STPG1: variants seen among roughly 807,000 people sequenced by gnomAD.
The protein encoded by STPG1 is sperm tail PG-rich repeat containing 1.
Under a neutral mutation model 40.1 loss-of-function variants are expected in STPG1, and 33 were observed. The observed-to-expected ratio is 0.82, with a 90% confidence interval of 0.62 to 1.10. The LOEUF is 1.10. Ranked by LOEUF, STPG1 falls within the 50% of genes least tolerant of loss-of-function variation. The pLI is 0.00. For synonymous variants in STPG1, 150 were observed against 155.0 expected (o/e 0.97, Z 0.24); for missense variants, 396 against 415.1 (o/e 0.95, Z 0.40).
chr1:24,405,667 T>G (rs1327834968), intron 1 of STPG1, among the ~76,000 whole-genome samples: 1 of 152,188 alleles, frequency 6.6e-6, no homozygotes, highest in Non-Finnish European at 1.5e-5. Flanking sequence ...TCTTTTAAGC[T>G]TTGTCAATTG....
At chr1:24,408,602 T>C (rs949021428) in intron 1 of STPG1, among the ~76,000 whole-genome samples, 5 of 152,224 alleles carry the variant, frequency 3.3e-5, no homozygotes, top group African/African-American at 1.2e-4. Flanking sequence ...ATGGGGGCAA[T>C]TGTAGGACTC....
chr1:24,409,622 T>C (rs2148718320), intron 1 of STPG1, among the ~76,000 whole-genome samples: 1 of 152,344 alleles, frequency 6.6e-6, no homozygotes, highest in East Asian at 1.9e-4. Context: ...AAATAAATAA[T>C]TCATCAGCTT....
At position 24,364,274 on chromosome 1, in the gene STPG1, T is replaced by A. The variant is rs545809; in HGVS notation, c.738-3233A>T. 418,945 of 1,548,420 alleles carry A rather than the reference T, an allele frequency of 0.27. 58,230 individuals carry two copies. Among genetic ancestry groups the A allele is most frequent in the East Asian group, 0.41 (16,757 of 40,668 alleles). On this transcript the variant is annotated intron_variant, in intron 7 of 8. Coordinates refer to ENST00000337248, the MANE Select transcript of STPG1 (RefSeq NM_001199013.2). ...CATCCTGTGACTCAAGTGAGGAACA[T>A]GGGTTTTGGAGATGGATTTTGGAGG...
chr1:24,387,005 T>TCATCATCAC (rs1266467994), intron 3 of STPG1, among the ~76,000 whole-genome samples: 3 of 152,066 alleles, frequency 2.0e-5, no homozygotes, highest in African/African-American at 7.3e-5. Flanking sequence ...GCCATCATCA[T>TCATCATCAC]CATCACCATC....
rs532490641 is a variant in STPG1 at position 24,374,249 on chromosome 1, T to G, written c.463-439A>C. 2.9e-3 allele frequency among the ~76,000 whole-genome samples: 261 copies of G among 89,028 alleles called. 4 individuals carry two copies. Among genetic ancestry groups the G allele is most frequent in the African/African-American group, 0.016 (230 of 14,120 alleles). The allele number at this position is 89,028 out of a possible 152,430, so 58.4% of individuals were successfully genotyped here. A position where few individuals can be genotyped will look rare whatever the true frequency, so the allele number is the denominator to read the frequency against. The stretch of plus-strand genomic sequence containing the variant: ...GAGATCACCGCTAGGAAAGTGTTTT[T>G]TTTTTTTGTTTTTTTTTTTTTTTTT... On this transcript the variant is annotated intron_variant, in intron 5 of 8. Coordinates refer to ENST00000337248, the MANE Select transcript of STPG1 (RefSeq NM_001199013.2).
intron 4 of STPG1, among the ~76,000 whole-genome samples, chr1:24,383,083 TA>T (rs1642360141): frequency 6.6e-6 from 1 of 152,044 alleles, no homozygotes; most frequent in Admixed American, 6.5e-5. Flanking sequence ...GGCTAATTTT[TA>T]AATTATTTTG....
In STPG1 at chr1:24,360,945, T is replaced by C. The variant is rs1270364503; in HGVS notation, c.834A>G (p.Leu278=). ...GPGQYEIVDY[L]GPRKHFISSA... ...TAGAGATGAAATGCTTGCGGGGGCC[T>C]AAGTAGTCCACGATCTCATACTGAC... The change falls in exon 8 of 9, where the codon TTA becomes TTG. Residue 278 remains leucine (L), a synonymous_variant. Transcript: ENST00000337248. 1 of 1,613,944 alleles carries C rather than the reference T, an allele frequency of 6.2e-7. No homozygotes were observed. The highest frequency in any genetic ancestry group is 8.5e-7 in the Non-Finnish European group (1 of 1,179,992).
intron 6 of STPG1, among the ~76,000 whole-genome samples, chr1:24,371,701 T>C (rs1261317002): frequency 6.6e-6 from 1 of 152,186 alleles, no homozygotes; most frequent in Non-Finnish European, 1.5e-5. Context: ...GTTTTGTATA[T>C]ATATTTCTAC....
chr1:24,392,816 A>T (rs1642836124), intron 2 of STPG1, among the ~76,000 whole-genome samples: 2 of 151,798 alleles, frequency 1.3e-5, no homozygotes, highest in Non-Finnish European at 2.9e-5. Flanking sequence ...TTTTAACATC[A>T]GAATCCTAAC....
chr1:24,412,998 T>C (rs1378268645), intron 1 of STPG1, among the ~76,000 whole-genome samples: 1 of 152,262 alleles, frequency 6.6e-6, no homozygotes, highest in Non-Finnish European at 1.5e-5. Flanking sequence ...CTAAACTATG[T>C]ATACTGTTAC....
chr1:24,358,215 C>T lies in STPG1; in HGVS notation c.*328G>A. The stretch of plus-strand genomic sequence containing the variant: ...CCTTGAAGTCTGCGCTTCAGGAGTC[C>T]CTTCAGTCTGCGGCAGGGAGTCGTG... On this transcript the variant is annotated 3_prime_UTR_variant, in exon 9 of 9. Transcript: ENST00000337248. 1 of 560,462 alleles carries T rather than the reference C, an allele frequency of 1.8e-6. No individual in the cohort carries two copies. The highest frequency in any genetic ancestry group is 3.4e-6 in the Non-Finnish European group (1 of 294,882). The allele number at this position is 560,462 out of a possible 1,614,324, so 34.7% of individuals were successfully genotyped here. A position where few individuals can be genotyped will look rare whatever the true frequency, so the allele number is the denominator to read the frequency against.
At chr1:24,371,900 G>A (rs1641764478) in intron 6 of STPG1, among the ~76,000 whole-genome samples, 2 of 152,184 alleles carry the variant, frequency 1.3e-5, no homozygotes, top group African/African-American at 4.8e-5. Flanking sequence ...CTGTGGGGCT[G>A]GGCGTGGTTG....
Position 24,391,690 on chromosome 1 carries a change from A to G in STPG1, c.71-11T>C. On this transcript the variant is annotated splice_polypyrimidine_tract_variant and intron_variant, in intron 2 of 8. Transcript: ENST00000337248. ...ATGCAGCAGTAAAACCTAAACAACA[A>G]AAATGGAGTAAAATCAAAATGAATA... The G allele has an allele frequency of 1.3e-6, 2 of 1,485,492 alleles. No homozygotes were observed. The highest frequency in any genetic ancestry group is 1.8e-6 in the Non-Finnish European group (2 of 1,091,662). The allele number at this position is 1,485,492 out of a possible 1,614,324, so 92.0% of individuals were successfully genotyped here.
At chr1:24,383,387 T>C (rs867486819) in intron 4 of STPG1, among the ~76,000 whole-genome samples, 6 of 152,374 alleles carry the variant, frequency 3.9e-5, no homozygotes, top group South Asian at 4.1e-4. Context: ...TGGCAATTCA[T>C]ATAGCTACTT....
chr1:24,358,204 C>A lies in STPG1; in HGVS notation c.*339G>T, dbSNP rs1256891304. 3.7e-6 allele frequency: 2 copies of A among 543,206 alleles called. No individual in the cohort carries two copies. Among genetic ancestry groups the A allele is most frequent in the Non-Finnish European group, 7.0e-6 (2 of 283,902 alleles). The allele number at this position is 543,206 out of a possible 1,614,324, so 33.6% of individuals were successfully genotyped here. On this transcript the variant is annotated 3_prime_UTR_variant, in exon 9 of 9. Transcript: ENST00000337248. ...GGACTGATCCTCCTTGAAGTCTGCG[C>A]TTCAGGAGTCCCTTCAGTCTGCGGC...
intron 4 of STPG1, among the ~76,000 whole-genome samples, chr1:24,383,570 T>A (rs746568622): frequency 1.2e-4 from 18 of 152,210 alleles, no homozygotes; most frequent in Non-Finnish European, 1.8e-4. Flanking sequence ...TACACCAAGA[T>A]GTGTAAGAGT....
chr1:24,374,248 T>TTTTTTG (rs1213649037), intron 5 of STPG1, among the ~76,000 whole-genome samples: 1 of 86,686 alleles, frequency 1.2e-5, no homozygotes, highest in African/African-American at 7.5e-5. Context: ...GAAAGTGTTT[T>TTTTTTG]TTTTTTTTGT....
At chr1:24,378,082 C>T (rs534420011) in intron 5 of STPG1, among the ~76,000 whole-genome samples, 1 of 150,734 alleles carries the variant, frequency 6.6e-6, no homozygotes, top group South Asian at 2.1e-4. Context: ...AGTTGGACTG[C>T]CCAGTATAGT....
chr1:24,397,066 A>G (rs1400022540), intron 2 of STPG1, among the ~76,000 whole-genome samples: 1 of 152,202 alleles, frequency 6.6e-6, no homozygotes, highest in African/African-American at 2.4e-5. Context: ...AGCAAAAAAT[A>G]TTACCTGCAA....
Sources: allele counts gnomAD v4.1 joint callset (sites outside exome capture counted in the v4.1 genomes callset), GRCh38; gene constraint gnomAD v4.1.1; transcripts MANE v1.5; gene names NCBI Gene and HGNC (gene_info 2026-07-23, HGNC 2026-07-21).